Variants in GNAL observed in about 807,000 individuals in gnomAD.
The protein encoded by GNAL is guanine nucleotide-binding protein G(olf) subunit alpha.
GNAL carries 18 observed loss-of-function variants against 55.1 expected under a neutral mutation model. The ratio of observed to expected loss-of-function variants is 0.33; its 90% CI spans 0.23 to 0.48. The LOEUF is 0.48. GNAL is among the 20% of genes least tolerant of loss of function. The probability of loss-of-function intolerance (pLI) is 0.99; values close to 1 mark genes in which losing one functional copy is unlikely to be tolerated. For synonymous variants in GNAL, 253 were observed against 237.0 expected, an observed-to-expected ratio of 1.07 and a Z score of -0.62; for missense variants, 412 against 614.1, an observed-to-expected ratio of 0.67 and a Z score of 3.48.
chr18:11,741,522 A>C (rs2032574815), intron 1 of GNAL, among the ~76,000 whole-genome samples: 1 of 152,250 alleles, frequency 6.6e-6, no homozygotes, highest in Admixed American at 6.5e-5. Context: ...CTGCAGGTCC[A>C]TCCCTCTCAA....
At chr18:11,794,352 A>ATAAATGGG (rs1203854393) in intron 4 of GNAL, among the ~76,000 whole-genome samples, 8 of 152,240 alleles carry the variant, frequency 5.3e-5, no homozygotes, top group African/African-American at 1.9e-4. Context: ...AGATGAATGG[A>ATAAATGGG]TAAACAAAAT....
chr18:11,724,997 A>G (rs1419700546), intron 1 of GNAL, among the ~76,000 whole-genome samples: 1 of 152,194 alleles, frequency 6.6e-6, no homozygotes, highest in Non-Finnish European at 1.5e-5. Flanking sequence ...CTGCTGGGTC[A>G]TATGGCCCGA....
At chr18:11,783,193 C>T (rs2033967136) in intron 4 of GNAL, among the ~76,000 whole-genome samples, 1 of 152,184 alleles carries the variant, frequency 6.6e-6, no homozygotes. Context: ...ACCTCACATT[C>T]AACAGAAGTG....
At position 11,882,088 on chromosome 18, in the gene GNAL, A is replaced by T. The variant is rs2036707477; in HGVS notation, c.*953A>T. 6.6e-6 allele frequency: 1 copy of T among 152,238 alleles called. No individual in the cohort carries two copies. Among genetic ancestry groups the T allele is most frequent in the Non-Finnish European group, 1.5e-5 (1 of 68,042 alleles). The allele number at this position is 152,238 out of a possible 1,614,324, so 9.4% of individuals were successfully genotyped here. A position where few individuals can be genotyped will look rare whatever the true frequency, so the allele number is the denominator to read the frequency against. On this transcript the variant is annotated 3_prime_UTR_variant, in exon 12 of 12. Transcript: ENST00000334049. ...TATAAAATACTCCCTGATTTAAAAAATTGTAAGTTATACACGTTAATCATC... is the reference window on the plus strand; with the variant it reads ...TATAAAATACTCCCTGATTTAAAAATTTGTAAGTTATACACGTTAATCATC...
chr18:11,828,175 G>C (rs1416348160), intron 5 of GNAL, among the ~76,000 whole-genome samples: 2 of 152,070 alleles, frequency 1.3e-5, no homozygotes, highest in Non-Finnish European at 1.5e-5. Context: ...GTGCTGAAAA[G>C]GCCTTTTATC....
chr18:11,724,954 C>T (rs1473815115), intron 1 of GNAL, among the ~76,000 whole-genome samples: 2 of 152,230 alleles, frequency 1.3e-5, no homozygotes, highest in African/African-American at 4.8e-5. Context: ...ACAGCATCTC[C>T]ATCTGCCTCT....
At chr18:11,830,931 T>A (rs2035367023) in intron 5 of GNAL, among the ~76,000 whole-genome samples, 1 of 152,040 alleles carries the variant, frequency 6.6e-6, no homozygotes, top group African/African-American at 2.4e-5. Flanking sequence ...AATAGGTAAA[T>A]CTACAGAGAC....
chr18:11,769,544 G>A (rs2033567117), intron 4 of GNAL, among the ~76,000 whole-genome samples: 3 of 152,278 alleles, frequency 2.0e-5, no homozygotes, highest in South Asian at 4.1e-4. Context: ...ATGATGTTCA[G>A]AAAAATGAAG....
intron 5 of GNAL, among the ~76,000 whole-genome samples, chr18:11,831,916 G>A (rs1278109622): frequency 6.6e-6 from 1 of 152,090 alleles, no homozygotes; most frequent in Non-Finnish European, 1.5e-5. Flanking sequence ...AGGACTGTGA[G>A]AATAATTATT....
At chr18:11,777,365 G>C (rs1326861924) in intron 4 of GNAL, among the ~76,000 whole-genome samples, 1 of 152,210 alleles carries the variant, frequency 6.6e-6, no homozygotes, top group Admixed American at 6.5e-5. Context: ...TAGGAACTCT[G>C]CCAGTGCTGG....
chr18:11,730,977 C>G (rs1159146443), intron 1 of GNAL, among the ~76,000 whole-genome samples: 1 of 152,180 alleles, frequency 6.6e-6, no homozygotes, highest in Admixed American at 6.5e-5. Context: ...CTAGCATGGC[C>G]TTGGGTCCTG....
intron 4 of GNAL, among the ~76,000 whole-genome samples, chr18:11,766,761 G>T (rs1375954381): frequency 6.6e-6 from 1 of 152,146 alleles, no homozygotes; most frequent in Non-Finnish European, 1.5e-5. Flanking sequence ...CAAAAATATA[G>T]AACGATTTTA....
intron 4 of GNAL, chr18:11,810,512 G>C (rs1187972696): frequency 2.0e-5 from 3 of 152,278 alleles, no homozygotes; most frequent in African/African-American, 7.2e-5. Flanking sequence ...TGCCTGGCAG[G>C]TGTGAGCTGT....
intron 5 of GNAL, among the ~76,000 whole-genome samples, chr18:11,855,491 A>G (rs951907700): frequency 1.3e-5 from 2 of 152,214 alleles, no homozygotes; most frequent in African/African-American, 4.8e-5. Context: ...TTAATTCACA[A>G]AATACTTTCC....
chr18:11,689,679 C>CCCTGGT lies in GNAL; in HGVS notation c.118_119insTGGTCC (p.Ala39_Pro40insLeuVal), dbSNP rs2143266399. The CCCTGGT allele has an allele frequency of 6.8e-7, 1 of 1,463,558 alleles. No homozygotes were observed. The highest frequency in any genetic ancestry group is 9.0e-7 in the Non-Finnish European group (1 of 1,113,070). The allele number at this position is 1,463,558 out of a possible 1,614,324, so 90.7% of individuals were successfully genotyped here. ...CAGCCCGCCCCGGCCCCGGCCCTGG[C>CCCTGGT]CCCAGTCCGGGCGGCCGCAAGGGAC... On this transcript the variant is annotated inframe_insertion, in exon 1 of 12. Transcript: ENST00000334049.
At chr18:11,847,406 T>A (rs536372550) in intron 5 of GNAL, among the ~76,000 whole-genome samples, 28 of 152,110 alleles carry the variant, frequency 1.8e-4, no homozygotes, top group Admixed American at 5.2e-4. Flanking sequence ...TTCTTTTTTT[T>A]TTTTTTGAGT....
At position 11,748,891 on chromosome 18, in the gene GNAL, G is replaced by A. The variant is rs977790358; in HGVS notation, c.377-3962G>A. Among the ~76,000 whole-genome samples the A allele has an allele frequency of 2.0e-5, 3 of 152,196 alleles. No individual in the cohort carries two copies. The East Asian group carries it at 5.8e-4, about 29-fold the overall frequency. On this transcript the variant is annotated intron_variant, in intron 1 of 11. Coordinates refer to ENST00000334049, the MANE Select transcript of GNAL (RefSeq NM_182978.4). ...TATAATCCCAGCTCTTTGGGAGGCC[G>A]AGGCGGTTGGATCACTTGAGGTCAG...
At chr18:11,788,897 G>GAA (rs1162398867) in intron 4 of GNAL, among the ~76,000 whole-genome samples, 4 of 82,514 alleles carry the variant, frequency 4.8e-5, no homozygotes, top group African/African-American at 2.3e-4. Context: ...ACTCCGTCTC[G>GAA]AAAAAAAAAA....
chr18:11,754,373 C>T (rs2032967575), intron 4 of GNAL, among the ~76,000 whole-genome samples: 2 of 151,366 alleles, frequency 1.3e-5, no homozygotes, highest in Admixed American at 6.6e-5. Context: ...GCCGAGATCA[C>T]GCCACTGCAC....
Sources: allele counts gnomAD v4.1 joint callset (sites outside exome capture counted in the v4.1 genomes callset), GRCh38; gene constraint gnomAD v4.1.1; transcripts MANE v1.5; gene names NCBI Gene and HGNC (gene_info 2026-07-23, HGNC 2026-07-21).